TSPAN9: variants seen among roughly 807,000 people sequenced by gnomAD.
TSPAN9 encodes tetraspanin 9, also known as tetraspanin-9.
Under a neutral mutation model 31.0 loss-of-function variants are expected in TSPAN9, and 16 were observed. The observed-to-expected ratio is 0.52, with a 90% CI of 0.35 to 0.78. The LOEUF is 0.78. Among genes scored for constraint, TSPAN9 ranks in the 30% least tolerant of loss-of-function variants. TSPAN9 has a pLI of 0.01. For synonymous variants in TSPAN9, 145 were observed against 121.6 expected (o/e 1.19, Z -1.27); for missense variants, 272 against 312.5 (o/e 0.87, Z 0.98).
At chr12:3,212,669 C>A (rs942237235) in intron 3 of TSPAN9, among the ~76,000 whole-genome samples, 2 of 152,296 alleles carry the variant, frequency 1.3e-5, no homozygotes, top group Admixed American at 1.3e-4. Flanking sequence ...GAATGGGGCA[C>A]CCAGAGGTGA....
At chr12:3,175,153 C>A (rs1374383247) in intron 2 of TSPAN9, among the ~76,000 whole-genome samples, 2 of 152,170 alleles carry the variant, frequency 1.3e-5, no homozygotes, top group Non-Finnish European at 2.9e-5. Flanking sequence ...TGCTGTCCTG[C>A]AGGACCTAGG....
intron 3 of TSPAN9, among the ~76,000 whole-genome samples, chr12:3,238,212 G>A (rs1000389774): frequency 6.6e-6 from 1 of 152,138 alleles, no homozygotes; most frequent in Non-Finnish European, 1.5e-5. Context: ...TCTGCCCAAG[G>A]CTCATGGTTA....
At chr12:3,266,076 C>G (rs1429588779) in intron 3 of TSPAN9, among the ~76,000 whole-genome samples, 1 of 152,206 alleles carries the variant, frequency 6.6e-6, no homozygotes, top group Non-Finnish European at 1.5e-5. Context: ...ATCCCGTCCT[C>G]CTCGGCTACA....
rs113724049 is a variant in TSPAN9 at position 3,243,782 on chromosome 12, G to A, written c.64-34639G>A. Among the ~76,000 whole-genome samples, 481 of 152,308 alleles carry A rather than the reference G, an allele frequency of 3.2e-3. 1 individual carries two copies. The highest frequency in any genetic ancestry group is 0.01 in the Middle Eastern group (3 of 294). ...GATTTTCTGTCTCCTCTGATATGGG[G>A]TGTCAGGCAGGTGGAGAGCCCAGGC... On this transcript the variant is annotated intron_variant, in intron 3 of 8. Transcript: ENST00000011898.
At chr12:3,275,848 C>G (rs1158736832) in intron 3 of TSPAN9, among the ~76,000 whole-genome samples, 1 of 152,272 alleles carries the variant, frequency 6.6e-6, no homozygotes, top group African/African-American at 2.4e-5. Context: ...CAGCTCCTTG[C>G]ACTGTCTCTT....
intron 2 of TSPAN9, among the ~76,000 whole-genome samples, chr12:3,175,556 C>G (rs1303488284): frequency 2.6e-5 from 4 of 152,234 alleles, no homozygotes; most frequent in East Asian, 1.9e-4. Flanking sequence ...AAGACCCAGC[C>G]TCTCTCGCTG....
chr12:3,194,725 AAC>A (rs2098366251), intron 2 of TSPAN9, among the ~76,000 whole-genome samples: 1 of 152,186 alleles, frequency 6.6e-6, no homozygotes, highest in Non-Finnish European at 1.5e-5. Flanking sequence ...TAAAAAAACA[AAC>A]AGATTAAAAA....
chr12:3,214,183 T>G (rs1450785892), intron 3 of TSPAN9, among the ~76,000 whole-genome samples: 1 of 152,174 alleles, frequency 6.6e-6, no homozygotes, highest in African/African-American at 2.4e-5. Context: ...TGACATTCTG[T>G]GGTTGTATAT....
chr12:3,271,920 C>T (rs1425711357), intron 3 of TSPAN9, among the ~76,000 whole-genome samples: 3 of 152,168 alleles, frequency 2.0e-5, no homozygotes, highest in Non-Finnish European at 4.4e-5. Flanking sequence ...CTTCCAGAGC[C>T]AGGCAGGTTC....
intron 2 of TSPAN9, among the ~76,000 whole-genome samples, chr12:3,169,606 A>C (rs1591657863): frequency 6.6e-6 from 1 of 152,196 alleles, no homozygotes; most frequent in East Asian, 1.9e-4. Flanking sequence ...ATTAATAACA[A>C]ACCCTGTGAA....
At chr12:3,102,620 G>A (rs2098312375) in intron 2 of TSPAN9, among the ~76,000 whole-genome samples, 1 of 151,822 alleles carries the variant, frequency 6.6e-6, no homozygotes, top group South Asian at 2.1e-4. Flanking sequence ...TGTATTTTTA[G>A]TAGAGATGGG....
intron 2 of TSPAN9, among the ~76,000 whole-genome samples, chr12:3,140,605 T>C (rs2098334357): frequency 6.6e-6 from 1 of 152,000 alleles, no homozygotes; most frequent in South Asian, 2.1e-4. Context: ...AGGAGGCGTT[T>C]GGGGTTCGAT....
At chr12:3,151,118 G>A (rs1440007069) in intron 2 of TSPAN9, 3 of 152,278 alleles carry the variant, frequency 2.0e-5, no homozygotes, top group African/African-American at 7.2e-5. Flanking sequence ...CATGTGGTTT[G>A]TAGTGCACTG....
intron 3 of TSPAN9, among the ~76,000 whole-genome samples, chr12:3,263,816 C>T (rs985082419): frequency 3.9e-5 from 6 of 152,072 alleles, no homozygotes; most frequent in Admixed American, 6.5e-5. Context: ...GATTGTGAGC[C>T]TGGAGGAAGA....
chr12:3,125,907 G>A (rs2098327173), intron 2 of TSPAN9, among the ~76,000 whole-genome samples: 1 of 152,132 alleles, frequency 6.6e-6, no homozygotes, highest in Non-Finnish European at 1.5e-5. Flanking sequence ...TCAGCACATC[G>A]CCTGGCATTT....
At chr12:3,092,144 A>C (rs905983172) in intron 2 of TSPAN9, among the ~76,000 whole-genome samples, 1 of 152,212 alleles carries the variant, frequency 6.6e-6, no homozygotes, top group Non-Finnish European at 1.5e-5. Context: ...GCCTGCTCCA[A>C]CTGAGGGCTC....
chr12:3,236,664 A>G (rs2098393904), intron 3 of TSPAN9, among the ~76,000 whole-genome samples: 1 of 152,150 alleles, frequency 6.6e-6, no homozygotes, highest in African/African-American at 2.4e-5. Flanking sequence ...GCGGGGGTAG[A>G]GAAGAGACGA....
chr12:3,257,751 G>A (rs1377811740), intron 3 of TSPAN9, among the ~76,000 whole-genome samples: 1 of 131,460 alleles, frequency 7.6e-6, no homozygotes. Flanking sequence ...AGTGTGATAG[G>A]TCAAGAGACT....
chr12:3,190,672 G>T (rs1365958800), intron 2 of TSPAN9, among the ~76,000 whole-genome samples: 4 of 152,230 alleles, frequency 2.6e-5, no homozygotes, highest in Middle Eastern at 3.2e-3. Flanking sequence ...CCCAATCTCT[G>T]CTGCCCCCTC....
Sources: gnomAD v4.1 joint callset for allele counts (sites outside exome capture counted in the v4.1 genomes callset) on GRCh38, gnomAD v4.1.1 for gene constraint, MANE v1.5 for transcripts, NCBI Gene and HGNC (gene_info 2026-07-23, HGNC 2026-07-21) for gene names.